HPSE2: variants seen among roughly 807,000 people sequenced by gnomAD.
The protein encoded by HPSE2 is heparanase 2 (inactive).
In HPSE2, 38 loss-of-function variants were observed where a neutral mutation model predicts 60.5. That is an observed-to-expected ratio of 0.63 (90% CI 0.48 to 0.82). The LOEUF (loss-of-function observed/expected upper bound fraction) is 0.82. HPSE2 is among the 40% of genes least tolerant of loss of function. HPSE2 has a pLI of 0.00. For synonymous variants in HPSE2, 295 were observed against 293.2 expected (o/e 1.01, Z -0.06); for missense variants, 713 against 740.4 (o/e 0.96, Z 0.43).
At chr10:98,629,264 G>A (rs1946296855) in intron 7 of HPSE2, among the ~76,000 whole-genome samples, 1 of 152,184 alleles carries the variant, frequency 6.6e-6, no homozygotes, top group Non-Finnish European at 1.5e-5. Context: ...CATCTAGTTG[G>A]AAATCAACCT....
intron 9 of HPSE2, among the ~76,000 whole-genome samples, chr10:98,500,159 C>T (rs932988730): frequency 2.6e-4 from 39 of 152,198 alleles, no homozygotes; most frequent in African/African-American, 9.2e-4. Flanking sequence ...TAAACTATAC[C>T]TTGGAACAAA....
rs143037760 is a variant in HPSE2, at chr10:99,075,919, A to G, written c.610+68319T>C. On this transcript the variant is annotated intron_variant, in intron 3 of 11. Transcript: ENST00000370552. ...GCCTATGTATGTGTTTCAATTTAAA[A>G]TGAGTTTCTTATAGACAATACATAT... 3.3e-5 allele frequency among the ~76,000 whole-genome samples: 5 copies of G among 152,246 alleles called. No individual in the cohort carries two copies. The East Asian group carries it at 5.8e-4, about 18-fold the overall frequency.
At chr10:99,191,879 A>G (rs896085407) in intron 2 of HPSE2, among the ~76,000 whole-genome samples, 2 of 152,198 alleles carry the variant, frequency 1.3e-5, no homozygotes, top group African/African-American at 4.8e-5. Flanking sequence ...GAAATTCAAG[A>G]TGACATAAAG....
chr10:98,509,453 T>A (rs1171585335), intron 9 of HPSE2, among the ~76,000 whole-genome samples: 2 of 152,130 alleles, frequency 1.3e-5, no homozygotes, highest in African/African-American at 4.8e-5. Context: ...TAAGATTTGG[T>A]GATTGACTGG....
chr10:98,645,038 C>T (rs934240731), intron 6 of HPSE2, among the ~76,000 whole-genome samples: 3 of 151,968 alleles, frequency 2.0e-5, no homozygotes, highest in Non-Finnish European at 4.4e-5. Context: ...TGAAAGCAAG[C>T]AGAGATGAAG....
chr10:99,052,618 T>C (rs954270016), intron 3 of HPSE2, among the ~76,000 whole-genome samples: 5 of 151,712 alleles, frequency 3.3e-5, no homozygotes, highest in East Asian at 1.9e-4. Context: ...ACACAGCACA[T>C]AGTAAAATAG....
intron 3 of HPSE2, among the ~76,000 whole-genome samples, chr10:98,769,321 T>C (rs547794023): frequency 6.6e-6 from 1 of 152,176 alleles, no homozygotes; most frequent in South Asian, 2.1e-4. Flanking sequence ...ATATAGCTTG[T>C]TGTTTTGGTG....
intron 3 of HPSE2, among the ~76,000 whole-genome samples, chr10:99,062,777 A>G (rs911499751): frequency 3.3e-5 from 5 of 152,194 alleles, no homozygotes; most frequent in African/African-American, 1.2e-4. Flanking sequence ...AGGAAGGGAA[A>G]TGGGTGTCAA....
intron 3 of HPSE2, among the ~76,000 whole-genome samples, chr10:98,974,111 A>G (rs1956027356): frequency 6.6e-6 from 1 of 151,766 alleles, no homozygotes; most frequent in Admixed American, 6.6e-5. Context: ...GCCAACATGG[A>G]AAAACCCCAT....
chr10:99,202,613 A>G (rs1848612572), intron 2 of HPSE2, among the ~76,000 whole-genome samples: 1 of 152,108 alleles, frequency 6.6e-6, no homozygotes, highest in South Asian at 2.1e-4. Flanking sequence ...AATGAATTAA[A>G]TGGTGGTATT....
rs576098247 is a variant in HPSE2 at position 98,476,468 on chromosome 10, T to C, written c.1613+6168A>G. ...CACATGTACCCTAAAACTTAAAGTA[T>C]AATAATAATAAAAAAGAAAAAGAAA... is the stretch of plus-strand genomic sequence containing the variant. On this transcript the variant is annotated intron_variant, in intron 11 of 11. Transcript: ENST00000370552. Among the ~76,000 whole-genome samples, 3 of 149,842 alleles carry C rather than the reference T, an allele frequency of 2.0e-5. No individual in the cohort carries two copies. The South Asian group carries it at 6.4e-4, about 32-fold the overall frequency.
At chr10:98,582,295 A>G (rs1397053811) in intron 9 of HPSE2, among the ~76,000 whole-genome samples, 1 of 152,234 alleles carries the variant, frequency 6.6e-6, no homozygotes, top group Non-Finnish European at 1.5e-5. Context: ...AAATGGAACA[A>G]TACCTTTAAA....
At chr10:98,608,718 A>G (rs74154332) in intron 9 of HPSE2, among the ~76,000 whole-genome samples, 7,764 of 152,190 alleles carry the variant, frequency 0.051, 673 homozygotes, top group African/African-American at 0.18. Context: ...ACATGGTGAA[A>G]TCTTTGTCAG....
At chr10:99,083,992 T>TA (rs1554884379) in intron 3 of HPSE2, among the ~76,000 whole-genome samples, 1,911 of 122,226 alleles carry the variant, frequency 0.016, 66 homozygotes, top group African/African-American at 0.05. Context: ...TTTTTTTTTT[T>TA]AAGTAACTGC....
At chr10:99,012,970 AC>A in intron 3 of HPSE2, 2 of 316,506 alleles carry the variant, frequency 6.3e-6, no homozygotes, top group Non-Finnish European at 6.1e-6. Context: ...AAGTGGTCTT[AC>A]TTTTTCTTCT....
intron 3 of HPSE2, among the ~76,000 whole-genome samples, chr10:98,839,012 TAGATC>T (rs1260811925): frequency 6.6e-6 from 1 of 152,174 alleles, no homozygotes; most frequent in Non-Finnish European, 1.5e-5. Flanking sequence ...AAAACTGTAA[TAGATC>T]AGTTCTAGAA....
chr10:99,159,336 T>C lies in HPSE2; in HGVS notation c.449-14937A>G, dbSNP rs376447933. Among the ~76,000 whole-genome samples the C allele has an allele frequency of 9.2e-5, 14 of 152,302 alleles. No individual in the cohort carries two copies. In the South Asian group the frequency reaches 2.9e-3, roughly 32 times the overall value. ...CATTTTCAAAAGGTTTCAAACATTTTCAAAATGAGAAAATTATAATGATAC... is the reference window on the plus strand; with the variant it reads ...CATTTTCAAAAGGTTTCAAACATTTCCAAAATGAGAAAATTATAATGATAC... On this transcript the variant is annotated intron_variant, in intron 2 of 11. Coordinates refer to ENST00000370552, the MANE Select transcript of HPSE2 (RefSeq NM_021828.5).
intron 9 of HPSE2, among the ~76,000 whole-genome samples, chr10:98,543,746 T>C (rs968226755): frequency 2.6e-5 from 4 of 152,002 alleles, no homozygotes; most frequent in African/African-American, 9.7e-5. Flanking sequence ...CATTACATAA[T>C]GGTAAAGGGA....
chr10:99,063,317 C>T (rs1178549820), intron 3 of HPSE2, among the ~76,000 whole-genome samples: 3 of 151,276 alleles, frequency 2.0e-5, no homozygotes, highest in African/African-American at 7.3e-5. Context: ...ATGAAAAATA[C>T]AAACAACACA....
Sources: gnomAD v4.1 joint callset for allele counts (sites outside exome capture counted in the v4.1 genomes callset) on GRCh38, gnomAD v4.1.1 for gene constraint, MANE v1.5 for transcripts, NCBI Gene and HGNC (gene_info 2026-07-23, HGNC 2026-07-21) for gene names.